The following CTBP1 variants were observed in gnomAD, a reference collection of about 807,000 sequenced individuals.
CTBP1 encodes C-terminal-binding protein 1.
CTBP1 carries 11 observed loss-of-function variants against 42.1 expected under a neutral mutation model. That is an observed-to-expected ratio of 0.26 (90% CI 0.16 to 0.43). The LOEUF is 0.43. CTBP1 is among the 20% of genes least tolerant of loss of function. CTBP1 has a pLI of 1.00. For synonymous variants in CTBP1, 324 were observed against 277.1 expected (o/e 1.17, Z -1.68); for missense variants, 399 against 624.3 (o/e 0.64, Z 3.85).
At chr4:1,239,782 A>C (rs985251431) in intron 2 of CTBP1, among the ~76,000 whole-genome samples, 9 of 152,040 alleles carry the variant, frequency 5.9e-5, no homozygotes, top group Admixed American at 5.2e-4. Flanking sequence ...TGGCCATTCC[A>C]CCCACTTTCC....
At position 1,235,890 on chromosome 4, in the gene CTBP1, G is replaced by A. The variant is rs1313555647; in HGVS notation, c.162+2293C>T. ...TTACTTCTTTTGCCAGGCACCTGGGGCCGGCAGTGCGGGGTCCCCAAAAAT... is the reference window on the plus strand; with the variant it reads ...TTACTTCTTTTGCCAGGCACCTGGGACCGGCAGTGCGGGGTCCCCAAAAAT... On this transcript the variant is annotated intron_variant, in intron 3 of 9. Coordinates refer to ENST00000382952, the MANE Select transcript of CTBP1 (RefSeq NM_001012614.2). This position sits in a 1 kb window ranked among gnomAD's most constrained non-coding sequence, Gnocchi z 4.2. The A allele has an allele frequency of 1.3e-5, 2 of 152,228 alleles. No homozygotes were observed. Among genetic ancestry groups the A allele is most frequent in the African/African-American group, 2.4e-5 (1 of 41,440 alleles). 9.4% of individuals were successfully genotyped at this position (152,228 alleles called of 1,614,324 possible). A position where few individuals can be genotyped will look rare whatever the true frequency, so the allele number is the denominator to read the frequency against.
chr4:1,244,824 C>G, intron 1 of CTBP1: 7 of 985,450 alleles, frequency 7.1e-6, no homozygotes, highest in Non-Finnish European at 8.4e-6. Flanking sequence ...TCTGGCTGTC[C>G]AGGCCTGGAG....
chr4:1,231,905 C>T (rs1261254196), intron 3 of CTBP1, among the ~76,000 whole-genome samples: 2 of 152,366 alleles, frequency 1.3e-5, no homozygotes, highest in South Asian at 2.1e-4. Flanking sequence ...CAGGGGTTAC[C>T]GGCGGTGCCT....
At chr4:1,212,525 G>C in intron 9 of CTBP1, 102 bp from the exon 10 acceptor site, 1 of 1,028,298 alleles carries the variant, frequency 9.7e-7, no homozygotes, top group Non-Finnish European at 1.3e-6. Context: ...CTCTCCAGGA[G>C]GACCAGCAGT....
chr4:1,224,874 C>T (rs1008371211), intron 5 of CTBP1, among the ~76,000 whole-genome samples: 3 of 151,064 alleles, frequency 2.0e-5, no homozygotes, highest in African/African-American at 7.3e-5. Flanking sequence ...GCATCTATGA[C>T]ATCCGTGCAG....
intron 1 of CTBP1, chr4:1,243,702 C>G: frequency 3.0e-6 from 3 of 985,464 alleles, no homozygotes; most frequent in South Asian, 9.4e-5. Flanking sequence ...CTCCTACGGC[C>G]TTCCTGGCTG....
chr4:1,248,200 C>T (rs1011768021), intron 1 of CTBP1, among the ~76,000 whole-genome samples: 29 of 152,080 alleles, frequency 1.9e-4, no homozygotes, highest in Admixed American at 1.0e-3. Flanking sequence ...AGGAAGGCGC[C>T]CCGGGACCTG....
chr4:1,223,895 C>T (rs570160924), intron 5 of CTBP1, among the ~76,000 whole-genome samples: 4 of 152,232 alleles, frequency 2.6e-5, no homozygotes, highest in South Asian at 2.1e-4. Flanking sequence ...GCCGGTTCAC[C>T]GCTGCATGCC....
intron 6 of CTBP1, 36 bp from the exon 7 acceptor site, chr4:1,214,509 G>A: frequency 5.2e-6 from 8 of 1,539,254 alleles, no homozygotes; most frequent in Non-Finnish European, 6.9e-6. Flanking sequence ...CCCAGTCAGG[G>A]ATCCGCACAG....
chr4:1,244,530 C>A (rs150289551), intron 1 of CTBP1: 1 of 985,240 alleles, frequency 1.0e-6, no homozygotes, highest in Non-Finnish European at 1.2e-6. Context: ...CTGGGCCAAC[C>A]GGTCCGCTCC....
At chr4:1,228,163 T>C (rs373783207) in intron 4 of CTBP1, 36 bp downstream of exon 4, 21 of 1,609,598 alleles carry the variant, frequency 1.3e-5, no homozygotes, top group Non-Finnish European at 1.8e-5. Context: ...GGAGCTTGCA[T>C]GAATGGGCAC....
At chr4:1,244,809 C>A in intron 1 of CTBP1, 1 of 985,432 alleles carries the variant, frequency 1.0e-6, no homozygotes, top group Non-Finnish European at 1.2e-6. Context: ...TGGTGAGATG[C>A]CCCCTCTGGC....
At chr4:1,243,987 T>C (rs1732453501) in intron 1 of CTBP1, 1 of 985,236 alleles carries the variant, frequency 1.0e-6, no homozygotes, top group Non-Finnish European at 1.2e-6. Context: ...GTGCTTCCTA[T>C]TTTCCTGTAA....
At chr4:1,220,217 A>AG (rs779578590) in intron 5 of CTBP1, among the ~76,000 whole-genome samples, 8 of 148,502 alleles carry the variant, frequency 5.4e-5, no homozygotes, top group African/African-American at 1.5e-4. Flanking sequence ...AAAAAAAAAA[A>AG]GGGGCAGAGA....
intron 6 of CTBP1, among the ~76,000 whole-genome samples, chr4:1,214,980 C>A (rs548931074): frequency 1.3e-5 from 2 of 152,254 alleles, no homozygotes; most frequent in African/African-American, 4.8e-5. Flanking sequence ...AAAAGCCCTG[C>A]GGGTGGCTCT....
rs570072525 is a variant in CTBP1 at position 1,235,617 on chromosome 4, C to A, written c.162+2566G>T. On this transcript the variant is annotated intron_variant, in intron 3 of 9. Coordinates refer to ENST00000382952, the MANE Select transcript of CTBP1 (RefSeq NM_001012614.2). The surrounding 1 kb of genome is among the most constrained non-coding windows in gnomAD (Gnocchi z 4.2). Reference sequence around the variant, plus strand: ...TTTCTCCCCTAACGCTGCTACGCCCCGTTCCAGAGTCATCAGCTCTTCGTC... The same window carrying A: ...TTTCTCCCCTAACGCTGCTACGCCCAGTTCCAGAGTCATCAGCTCTTCGTC... The A allele has an allele frequency of 1.3e-5, 2 of 152,212 alleles. No homozygotes were observed. Among genetic ancestry groups the A allele is most frequent in the African/African-American group, 4.8e-5 (2 of 41,434 alleles). The allele number at this position is 152,212 out of a possible 1,614,324, so 9.4% of individuals were successfully genotyped here.
In CTBP1 at chr4:1,222,366, G is replaced by A. The variant is rs1729837318; in HGVS notation, c.514+2994C>T. On this transcript the variant is annotated intron_variant, in intron 5 of 9. Transcript: ENST00000382952. ...CTCCTCAGCTCCCGAGGCCGAGGGA[G>A]CGCTGACCTGGCCTGGTTCATCACA... 3.3e-5 allele frequency among the ~76,000 whole-genome samples: 5 copies of A among 152,260 alleles called. No individual in the cohort carries two copies. The South Asian group carries it at 1.0e-3, about 32-fold the overall frequency.
Position 1,213,562 on chromosome 4 carries a change from T to A in CTBP1, c.904A>T (p.Thr302Ser), listed in dbSNP as rs1484301914. The A allele has an allele frequency of 6.2e-7, 1 of 1,613,004 alleles. No homozygotes were observed. ...PLKDAPNLICTPHAAWYSEQA... is the reference protein window; with the variant it reads ...PLKDAPNLICSPHAAWYSEQA... ...TCGCTGTACCATGCAGCATGGGGGG[T>A]GCAGATGAGGTTGGGTGCATCCTTC... The change falls in exon 8 of 10, where the codon ACC (threonine) becomes TCC (serine). Residue 302 changes from threonine to serine, a missense_variant. Thr to Ser is a moderately conservative substitution (Grantham distance 58). Transcript: ENST00000382952.
At chr4:1,240,105 C>T (rs928981886) in intron 2 of CTBP1, among the ~76,000 whole-genome samples, 9 of 152,252 alleles carry the variant, frequency 5.9e-5, no homozygotes, top group Non-Finnish European at 1.2e-4. Context: ...GCAGACCGCT[C>T]GGCTGCGTCA....
Sources: allele counts gnomAD v4.1 joint callset (sites outside exome capture counted in the v4.1 genomes callset), GRCh38; gene constraint gnomAD v4.1.1; non-coding constraint Gnocchi (gnomAD v3.1); transcripts MANE v1.5; gene names NCBI Gene and HGNC (gene_info 2026-07-23, HGNC 2026-07-21).